Variants in UNKL observed in about 807,000 individuals in gnomAD.
UNKL encodes putative E3 ubiquitin-protein ligase UNKL.
UNKL carries 60 observed loss-of-function variants against 78.0 expected under a neutral mutation model. That is an observed-to-expected ratio of 0.77 (90% CI 0.63 to 0.95). The LOEUF is 0.95. Ranked by LOEUF, UNKL falls within the 40% of genes least tolerant of loss-of-function variation. The pLI is 0.00. For synonymous variants in UNKL, 608 were observed against 474.8 expected, an observed-to-expected ratio of 1.28 and a Z score of -3.65; for missense variants, 1,159 against 1,045.7, an observed-to-expected ratio of 1.11 and a Z score of -1.49.
At chr16:1,369,890 G>C in intron 12 of UNKL, 4 of 1,497,228 alleles carry the variant, frequency 2.7e-6, no homozygotes, top group Non-Finnish European at 9.0e-7. Flanking sequence ...CAGGAGAATT[G>C]CTTGAACCTG....
In UNKL at chr16:1,393,077, T is replaced by G. The variant is rs186473779; in HGVS notation, c.938-101A>C. The G allele has an allele frequency of 5.2e-3, 6,466 of 1,233,256 alleles. 23 individuals are homozygous for G. Among genetic ancestry groups the G allele is most frequent in the Middle Eastern group, 9.6e-3 (45 of 4,696 alleles). The allele number at this position is 1,233,256 out of a possible 1,614,324, so 76.4% of individuals were successfully genotyped here. ...ACGTCAGGGCCGAGTGTGCGCAGCC[T>G]CGTCACAATCATCCCTCAGGGGTGC... On this transcript the variant is annotated intron_variant, in intron 7 of 14. Coordinates refer to ENST00000389221, the MANE Select transcript of UNKL (RefSeq NM_001372107.1).
At chr16:1,393,011 C>A in intron 7 of UNKL, 35 bp from the exon 8 acceptor site, 1 of 1,544,606 alleles carries the variant, frequency 6.5e-7, no homozygotes, top group Middle Eastern at 1.7e-4. Flanking sequence ...CTCTGAGGGC[C>A]GCTGGTGGGC....
intron 9 of UNKL, among the ~76,000 whole-genome samples, chr16:1,385,708 G>T (rs994199225): frequency 6.6e-6 from 1 of 152,222 alleles, no homozygotes; most frequent in Non-Finnish European, 1.5e-5. Flanking sequence ...TGTGTCAGCG[G>T]CCAGGAGCCC....
chr16:1,383,175 G>C (rs1391683233), intron 10 of UNKL, among the ~76,000 whole-genome samples: 1 of 149,186 alleles, frequency 6.7e-6, no homozygotes, highest in African/African-American at 2.5e-5. Context: ...TGGAGGCTGA[G>C]ACAGGAGATT....
At position 1,367,664 on chromosome 16, in the gene UNKL, C is replaced by A; in HGVS notation, c.1780G>T (p.Val594Leu). Residue 594 changes from valine (V) to leucine (L), a missense_variant, in exon 13 of 15, where the codon GTG becomes TTG. Physicochemically the swap from Val to Leu is conservative, Grantham distance 32. Transcript: ENST00000389221. The stretch of plus-strand genomic sequence containing the variant: ...CCCCCCCACACACTCACCTGCTTCA[C>A]CTGCTGCCAGGACTCCTCCCACTGC... ...IRQWEESWQQVKQVCDAWQRE... is the reference protein window; with the variant it reads ...IRQWEESWQQLKQVCDAWQRE... 1 of 1,567,670 alleles carries A rather than the reference C, an allele frequency of 6.4e-7. No individual in the cohort carries two copies. Among genetic ancestry groups the A allele is most frequent in the Non-Finnish European group, 8.6e-7 (1 of 1,157,686 alleles).
intron 6 of UNKL, among the ~76,000 whole-genome samples, chr16:1,395,357 G>A (rs8056405): frequency 2.0e-5 from 3 of 151,746 alleles, no homozygotes; most frequent in Non-Finnish European, 4.4e-5. Flanking sequence ...TAGTAGAGAC[G>A]GGTTCACCAT....
chr16:1,388,701 G>A (rs1029824983), intron 9 of UNKL, among the ~76,000 whole-genome samples: 1 of 151,954 alleles, frequency 6.6e-6, no homozygotes, highest in Non-Finnish European at 1.5e-5. Flanking sequence ...TCAGACGAGA[G>A]CTCCGTGAGG....
In UNKL at chr16:1,403,307, G is replaced by A. The variant is rs1412879081; in HGVS notation, c.325C>T (p.Arg109Cys). The change falls in exon 3 of 15, where the codon CGC becomes TGC. Residue 109 changes from arginine (R) to cysteine (C), a missense_variant. Physicochemically the swap from Arg to Cys is radical, Grantham distance 180. Transcript: ENST00000389221. The surrounding 1 kb of genome is among the most constrained non-coding windows in gnomAD (Gnocchi z 4.8). ...YLHRTTGDTE[R>C]KYHLRYYKTG... ...TTGTAGTAACGCAGGTGGTACTTGC[G>A]TTCTGTGTCCCCCGTCGTCCGGTGC... 7 of 1,614,208 alleles carry A rather than the reference G, an allele frequency of 4.3e-6. No homozygotes were observed. The highest frequency in any genetic ancestry group is 5.9e-6 in the Non-Finnish European group (7 of 1,180,034).
intron 14 of UNKL, 54 bp from the exon 15 acceptor site, chr16:1,366,449 G>A (rs2035260811): frequency 2.0e-6 from 3 of 1,497,502 alleles, no homozygotes; most frequent in Admixed American, 2.2e-5. Context: ...GGCTGGGCCA[G>A]CTGGGGAGCC....
intron 2 of UNKL, among the ~76,000 whole-genome samples, chr16:1,404,790 C>A (rs1210548510): frequency 6.6e-6 from 1 of 152,160 alleles, no homozygotes; most frequent in Non-Finnish European, 1.5e-5. Flanking sequence ...CTTCCATCCA[C>A]GTGACGGGGT....
At chr16:1,386,620 G>C (rs1220620210) in intron 9 of UNKL, among the ~76,000 whole-genome samples, 1 of 152,204 alleles carries the variant, frequency 6.6e-6, no homozygotes, top group Admixed American at 6.5e-5. Flanking sequence ...TTGCTGCAAA[G>C]TAATGCAGAA....
intron 6 of UNKL, chr16:1,394,445 A>G: frequency 2.9e-6 from 2 of 685,574 alleles, no homozygotes; most frequent in Non-Finnish European, 5.3e-6. Context: ...CCATTCCCGC[A>G]GCATCTGCCC....
At chr16:1,378,004 G>A (rs746516098) in intron 10 of UNKL, among the ~76,000 whole-genome samples, 11 of 152,264 alleles carry the variant, frequency 7.2e-5, no homozygotes, top group East Asian at 1.9e-4. Context: ...GCCCTTGCGC[G>A]TGCCGGTCAC....
chr16:1,394,639 TTAA>T, intron 6 of UNKL: 1 of 406,278 alleles, frequency 2.5e-6, no homozygotes, highest in East Asian at 7.1e-5. Flanking sequence ...TCAACAACAC[TTAA>T]GACCCGGCAA....
rs754848643 is a variant in UNKL at position 1,399,368 on chromosome 16, G to A, written c.734+6C>T. On this transcript the variant is annotated splice_donor_region_variant and intron_variant, in intron 5 of 14. Transcript: ENST00000389221. This position sits in a 1 kb window ranked among gnomAD's most constrained non-coding sequence, Gnocchi z 5.8. ...GAGTCCTCTGAGCACGGTCCCGCAG[G>A]CTCACCTGTACTGGAACCGCCGGGG... The A allele has an allele frequency of 1.3e-5, 20 of 1,582,018 alleles. No individual in the cohort carries two copies. Among genetic ancestry groups the A allele is most frequent in the Non-Finnish European group, 1.5e-5 (18 of 1,161,962 alleles).
At position 1,392,891 on chromosome 16, in the gene UNKL, A is replaced by G. The variant is rs2037105902; in HGVS notation, c.1023T>C (p.Asn341=). 3 of 1,550,452 alleles carry G rather than the reference A, an allele frequency of 1.9e-6. No individual in the cohort carries two copies. Among genetic ancestry groups the G allele is most frequent in the South Asian group, 1.2e-5 (1 of 84,068 alleles). The part of the protein sequence containing the change: ...PSSTGSGQPG[N]AKRRDSPAEG... ...TGTCCTGGGAAGGCCGTTCACTTAC[A>G]TTTCCCGGCTGGCCGCTGCCCGTGG... Residue 341 remains asparagine (N), a splice_region_variant and synonymous_variant, in exon 8 of 15, where the codon AAT becomes AAC. Coordinates refer to ENST00000389221, the MANE Select transcript of UNKL (RefSeq NM_001372107.1).
At position 1,413,698 on chromosome 16, in the gene UNKL, T is replaced by A. The variant is rs892284736; in HGVS notation, c.287+148A>T. On this transcript the variant is annotated intron_variant, in intron 2 of 14. Coordinates refer to ENST00000389221, the MANE Select transcript of UNKL (RefSeq NM_001372107.1). ...GGAAATGCCGCCCCAGCATCCCTGGTCACTAGAAAATTTCAGCGTATAATT... is the reference window on the plus strand; with the variant it reads ...GGAAATGCCGCCCCAGCATCCCTGGACACTAGAAAATTTCAGCGTATAATT... The A allele has an allele frequency of 1.1e-5, 10 of 886,002 alleles. No homozygotes were observed. The African/African-American group carries it at 1.5e-4, about 14-fold the overall frequency. The allele number at this position is 886,002 out of a possible 1,614,324, so 54.9% of individuals were successfully genotyped here.
intron 1 of UNKL, 84 bp from the exon 2 acceptor site, chr16:1,414,139 C>G: frequency 2.2e-6 from 3 of 1,368,694 alleles, no homozygotes; most frequent in Non-Finnish European, 3.0e-6. Context: ...CCACCGGCCT[C>G]AGGAGCCTCA....
chr16:1,413,730 C>T, intron 2 of UNKL, 116 bp downstream of exon 2: 1 of 1,166,434 alleles, frequency 8.6e-7, no homozygotes. Context: ...AATTACGACT[C>T]CCTCTGCAGG....
Sources: gnomAD v4.1 joint callset for allele counts (sites outside exome capture counted in the v4.1 genomes callset) on GRCh38, gnomAD v4.1.1 for gene constraint, Gnocchi (gnomAD v3.1) non-coding constraint, MANE v1.5 for transcripts, NCBI Gene and HGNC (gene_info 2026-07-23, HGNC 2026-07-21) for gene names.